Variants in CDH12 observed in about 807,000 individuals in gnomAD.
CDH12 encodes the protein cadherin-12.
CDH12 carries 41 observed loss-of-function variants against 74.1 expected under a neutral mutation model. The ratio of observed to expected loss-of-function variants is 0.55; its 90% CI spans 0.43 to 0.72. The LOEUF (loss-of-function observed/expected upper bound fraction) is 0.72. CDH12 is among the 30% of genes least tolerant of loss of function. CDH12 has a pLI of 0.00. For missense variants in CDH12, 945 were observed against 977.2 expected (o/e 0.97, Z 0.44); for synonymous variants, 399 against 355.0 (o/e 1.12, Z -1.39).
At chr5:22,468,179 A>G (rs1745810734) in intron 2 of CDH12, among the ~76,000 whole-genome samples, 1 of 152,230 alleles carries the variant, frequency 6.6e-6, no homozygotes, top group African/African-American at 2.4e-5. Context: ...TGCCAGCTTC[A>G]CAGAACTAAA....
chr5:22,624,988 G>T (rs912500840), intron 1 of CDH12, among the ~76,000 whole-genome samples: 6 of 152,206 alleles, frequency 3.9e-5, no homozygotes, highest in Admixed American at 2.6e-4. Flanking sequence ...CCATAAAAAA[G>T]GGTGAGTTCA....
chr5:22,204,984 A>C (rs1229294243), intron 4 of CDH12, among the ~76,000 whole-genome samples: 1 of 152,220 alleles, frequency 6.6e-6, no homozygotes, highest in Non-Finnish European at 1.5e-5. Flanking sequence ...TATTATGCAT[A>C]GGAACTAGGC....
At chr5:21,810,007 T>G (rs1039270982) in intron 9 of CDH12, among the ~76,000 whole-genome samples, 1 of 152,066 alleles carries the variant, frequency 6.6e-6, no homozygotes, top group East Asian at 1.9e-4. Flanking sequence ...AAGATACTTA[T>G]ATGGGACAGG....
chr5:22,238,981 T>C (rs540236478), intron 3 of CDH12, among the ~76,000 whole-genome samples: 1 of 152,238 alleles, frequency 6.6e-6, no homozygotes, highest in South Asian at 2.1e-4. Context: ...ATTTTTCTCC[T>C]GGGATCTCTT....
intron 3 of CDH12, among the ~76,000 whole-genome samples, chr5:22,344,635 A>G (rs1335406201): frequency 6.6e-6 from 1 of 152,208 alleles, no homozygotes; most frequent in Non-Finnish European, 1.5e-5. Flanking sequence ...ATTACTGCTT[A>G]CTAGATATGT....
At chr5:22,581,119 G>A (rs1454993910) in intron 1 of CDH12, among the ~76,000 whole-genome samples, 1 of 152,234 alleles carries the variant, frequency 6.6e-6, no homozygotes, top group African/African-American at 2.4e-5. Context: ...GTCACAAGGA[G>A]TCAAATATGA....
chr5:22,411,505 T>C (rs1425393374), intron 2 of CDH12, among the ~76,000 whole-genome samples: 1 of 151,994 alleles, frequency 6.6e-6, no homozygotes, highest in Non-Finnish European at 1.5e-5. Context: ...AAATAAACCT[T>C]CATAAAGATA....
intron 2 of CDH12, among the ~76,000 whole-genome samples, chr5:22,500,495 AC>A: frequency 6.6e-6 from 1 of 152,146 alleles, no homozygotes; most frequent in East Asian, 1.9e-4. Context: ...ATATAATTTG[AC>A]TCCACTTTTA....
intron 5 of CDH12, among the ~76,000 whole-genome samples, chr5:22,072,074 C>A (rs1741975818): frequency 6.6e-6 from 1 of 151,884 alleles, no homozygotes; most frequent in African/African-American, 2.4e-5. Context: ...CCTATTGTAA[C>A]TTTCTCCTGC....
intron 1 of CDH12, among the ~76,000 whole-genome samples, chr5:22,750,545 A>G (rs561904408): frequency 3.9e-5 from 6 of 152,286 alleles, no homozygotes; most frequent in African/African-American, 1.4e-4. Context: ...GGTGTGAGAT[A>G]TGGTACTGGG....
At chr5:21,951,640 T>A (rs915249395) in intron 6 of CDH12, among the ~76,000 whole-genome samples, 11 of 152,248 alleles carry the variant, frequency 7.2e-5, no homozygotes, top group African/African-American at 2.4e-4. Flanking sequence ...GAAACTAAAT[T>A]AAAATATATT....
intron 1 of CDH12, among the ~76,000 whole-genome samples, chr5:22,508,906 G>A (rs1467344095): frequency 6.6e-6 from 1 of 152,110 alleles, no homozygotes. Context: ...CTTCCTGAGG[G>A]TTGTGTCACA....
intron 2 of CDH12, among the ~76,000 whole-genome samples, chr5:22,496,003 T>C (rs1747092428): frequency 6.6e-6 from 1 of 152,194 alleles, no homozygotes; most frequent in African/African-American, 2.4e-5. Flanking sequence ...TGTATGCAAA[T>C]ATGAACTACA....
At chr5:22,494,833 A>G (rs1366479599) in intron 2 of CDH12, among the ~76,000 whole-genome samples, 1 of 152,186 alleles carries the variant, frequency 6.6e-6, no homozygotes, top group Non-Finnish European at 1.5e-5. Flanking sequence ...CAGCAAACAC[A>G]AGGAGTACTC....
At chr5:22,650,852 A>T (rs529720577) in intron 1 of CDH12, among the ~76,000 whole-genome samples, 6 of 152,138 alleles carry the variant, frequency 3.9e-5, no homozygotes, top group Admixed American at 2.6e-4. Context: ...CAGAACTAGC[A>T]TTTTGACATT....
intron 6 of CDH12, among the ~76,000 whole-genome samples, chr5:21,891,328 C>T (rs966418583): frequency 3.3e-5 from 5 of 151,992 alleles, no homozygotes; most frequent in African/African-American, 1.2e-4. Context: ...AGACATAGCC[C>T]TATTTTTGGA....
intron 2 of CDH12, among the ~76,000 whole-genome samples, chr5:22,486,025 G>T (rs768390491): frequency 6.6e-6 from 1 of 152,126 alleles, no homozygotes; most frequent in East Asian, 1.9e-4. Context: ...CAGGACCAAC[G>T]CAGCTGGAAA....
At chr5:21,909,705 T>C (rs1753784019) in intron 6 of CDH12, among the ~76,000 whole-genome samples, 1 of 152,170 alleles carries the variant, frequency 6.6e-6, no homozygotes, top group African/African-American at 2.4e-5. Context: ...ATCATAAAAA[T>C]CTACCACAAT....
chr5:21,970,851 A>AAAAAAAAAAAAAC (rs1756817823), intron 6 of CDH12, among the ~76,000 whole-genome samples: 1 of 129,170 alleles, frequency 7.7e-6, no homozygotes, highest in Non-Finnish European at 1.8e-5. Context: ...AAAAAAAAAA[A>AAAAAAAAAAAAAC]AAAAAAAAAA....
Sources: gnomAD v4.1 joint callset for allele counts (sites outside exome capture counted in the v4.1 genomes callset) on GRCh38, gnomAD v4.1.1 for gene constraint, MANE v1.5 for transcripts, NCBI Gene and HGNC (gene_info 2026-07-23, HGNC 2026-07-21) for gene names.